The following PCDH7 variants were observed in gnomAD, a reference collection of about 807,000 sequenced individuals.
PCDH7 encodes the protein protocadherin 7, also known as protocadherin-7.
Under a neutral mutation model 58.9 loss-of-function variants are expected in PCDH7, and 17 were observed. The observed-to-expected ratio is 0.29, with a 90% confidence interval of 0.20 to 0.43. The LOEUF (loss-of-function observed/expected upper bound fraction) is 0.43. Among genes scored for constraint, PCDH7 ranks in the 20% least tolerant of loss-of-function variants. The pLI is 1.00. For synonymous variants in PCDH7, 664 were observed against 616.4 expected, an observed-to-expected ratio of 1.08 and a Z score of -1.14; for missense variants, 1,274 against 1,441.0, an observed-to-expected ratio of 0.88 and a Z score of 1.88.
At chr4:30,759,426 A>G (rs1250461828) in intron 1 of PCDH7, among the ~76,000 whole-genome samples, 1 of 152,200 alleles carries the variant, frequency 6.6e-6, no homozygotes, top group Admixed American at 6.5e-5. Flanking sequence ...ATCGGCTTTC[A>G]GGAAATTCTG....
intron 3 of PCDH7, among the ~76,000 whole-genome samples, chr4:30,960,935 G>A (rs1288366432): frequency 6.6e-6 from 1 of 152,122 alleles, no homozygotes; most frequent in African/African-American, 2.4e-5. Context: ...CTCTCTCTCT[G>A]AATATAGAAT....
intron 1 of PCDH7, among the ~76,000 whole-genome samples, chr4:30,859,179 C>T (rs186699557): frequency 3.0e-4 from 46 of 152,202 alleles, no homozygotes; most frequent in Middle Eastern, 6.8e-3. Context: ...GGACAAAGTG[C>T]CTATCTAAAA....
chr4:31,019,944 G>A (rs1004033511), intron 3 of PCDH7, among the ~76,000 whole-genome samples: 1 of 151,898 alleles, frequency 6.6e-6, no homozygotes, highest in Non-Finnish European at 1.5e-5. Flanking sequence ...TTTACAAGCA[G>A]AAGTAAAATG....
intron 3 of PCDH7, among the ~76,000 whole-genome samples, chr4:30,982,257 G>C (rs1439372684): frequency 6.6e-6 from 1 of 152,084 alleles, no homozygotes; most frequent in Non-Finnish European, 1.5e-5. Flanking sequence ...AGGGGAGTGT[G>C]AAGGGAAAAA....
chr4:30,929,367 C>T (rs1344889957), intron 2 of PCDH7, among the ~76,000 whole-genome samples: 7 of 152,126 alleles, frequency 4.6e-5, no homozygotes, highest in Middle Eastern at 6.9e-3. Flanking sequence ...GTTTTTAAAT[C>T]TTGTCTCTGA....
At chr4:30,927,727 C>T (rs1006762142) in intron 2 of PCDH7, among the ~76,000 whole-genome samples, 3 of 152,004 alleles carry the variant, frequency 2.0e-5, no homozygotes, top group South Asian at 2.1e-4. Flanking sequence ...TGTGGAAGGC[C>T]GCAGGGTCCT....
At chr4:30,742,346 G>T (rs1365004868) in intron 1 of PCDH7, among the ~76,000 whole-genome samples, 1 of 152,090 alleles carries the variant, frequency 6.6e-6, no homozygotes, top group Non-Finnish European at 1.5e-5. Context: ...TTAGATGAAG[G>T]CACACCCTGG....
chr4:31,112,153 T>G (rs1716397483), intron 3 of PCDH7, among the ~76,000 whole-genome samples: 1 of 152,218 alleles, frequency 6.6e-6, no homozygotes, highest in African/African-American at 2.4e-5. Context: ...ATATACTAAC[T>G]TGCCACTTAG....
chr4:30,946,967 C>T (rs898893717), intron 2 of PCDH7, among the ~76,000 whole-genome samples: 6 of 152,150 alleles, frequency 3.9e-5, no homozygotes, highest in Admixed American at 3.9e-4. Context: ...CCACCTCGGC[C>T]TCCCAAATTG....
intron 3 of PCDH7, among the ~76,000 whole-genome samples, chr4:31,055,651 G>A (rs1020101066): frequency 5.4e-4 from 82 of 151,648 alleles, no homozygotes; most frequent in Admixed American, 9.2e-4. Flanking sequence ...ATCTCGGCTC[G>A]CTGCAACCTC....
chr4:30,928,195 G>A (rs1284532286), intron 2 of PCDH7, among the ~76,000 whole-genome samples: 1 of 152,096 alleles, frequency 6.6e-6, no homozygotes, highest in African/African-American at 2.4e-5. Context: ...AAAGTGCTAG[G>A]ATCATAGACA....
intron 3 of PCDH7, among the ~76,000 whole-genome samples, chr4:31,121,191 G>C (rs1717652637): frequency 6.6e-6 from 1 of 152,112 alleles, no homozygotes; most frequent in South Asian, 2.1e-4. Flanking sequence ...TTACATCCAG[G>C]TGCTGCAAGA....
rs192110847 is a variant in PCDH7, at chr4:31,079,469, G to A, written c.*8-63004G>A. Among the ~76,000 whole-genome samples the A allele has an allele frequency of 3.6e-3, 534 of 150,166 alleles. 4 individuals carry two copies. Among genetic ancestry groups the A allele is most frequent in the Non-Finnish European group, 5.5e-3 (374 of 67,446 alleles). On this transcript the variant is annotated intron_variant, in intron 3 of 3. Transcript: ENST00000509759. ...TCGATATCTCTAGTAACCAAGAAAGGTTGATTGGAGCTGCATTTAAATACT... is the reference window on the plus strand; with the variant it reads ...TCGATATCTCTAGTAACCAAGAAAGATTGATTGGAGCTGCATTTAAATACT...
At chr4:30,988,060 A>G (rs1751133748) in intron 3 of PCDH7, among the ~76,000 whole-genome samples, 1 of 152,204 alleles carries the variant, frequency 6.6e-6, no homozygotes, top group Non-Finnish European at 1.5e-5. Flanking sequence ...GCTGTTCCCT[A>G]GAAAGCACAC....
chr4:31,051,941 A>G (rs1756777804), intron 3 of PCDH7, among the ~76,000 whole-genome samples: 1 of 152,064 alleles, frequency 6.6e-6, no homozygotes, highest in African/African-American at 2.4e-5. Context: ...ATATTATGAC[A>G]TTCATTTGCT....
At chr4:31,035,247 C>CTTTTTTTTTTTTTT (rs35099580) in intron 3 of PCDH7, among the ~76,000 whole-genome samples, 2 of 99,380 alleles carry the variant, frequency 2.0e-5, no homozygotes, top group African/African-American at 4.2e-5. Flanking sequence ...CCTTTTTTCC[C>CTTTTTTTTTTTTTT]TTTTTTTTTT....
intron 3 of PCDH7, among the ~76,000 whole-genome samples, chr4:30,962,803 AAAC>A (rs1748592167): frequency 1.3e-5 from 2 of 151,154 alleles, no homozygotes; most frequent in Admixed American, 6.6e-5. Flanking sequence ...AAAAAAAAAA[AAAC>A]AGTGGTAATT....
intron 1 of PCDH7, among the ~76,000 whole-genome samples, chr4:30,771,632 T>C (rs577843054): frequency 3.2e-4 from 48 of 152,354 alleles, no homozygotes; most frequent in African/African-American, 8.7e-4. Context: ...GCAAGAAGAC[T>C]CTCAGATTAA....
chr4:30,760,428 T>A (rs1439044520), intron 1 of PCDH7, among the ~76,000 whole-genome samples: 1 of 152,146 alleles, frequency 6.6e-6, no homozygotes, highest in Non-Finnish European at 1.5e-5. Context: ...GATGACATGA[T>A]CCTATATCTA....
Sources: gnomAD v4.1 joint callset for allele counts (sites outside exome capture counted in the v4.1 genomes callset) on GRCh38, gnomAD v4.1.1 for gene constraint, MANE v1.5 for transcripts, NCBI Gene and HGNC (gene_info 2026-07-23, HGNC 2026-07-21) for gene names.